The following SGCZ variants were observed in gnomAD, a reference collection of about 807,000 sequenced individuals.
SGCZ encodes the protein sarcoglycan zeta.
A neutral mutation model predicts 41.3 loss-of-function variants in SGCZ; 40 were observed. The ratio of observed to expected loss-of-function variants is 0.97; its 90% confidence interval spans 0.75 to 1.26. The LOEUF (loss-of-function observed/expected upper bound fraction) is 1.26. Ranked by LOEUF, SGCZ falls within the 50% of genes most tolerant of loss-of-function variation. The pLI is 0.00. For missense variants in SGCZ, 552 were observed against 369.8 expected (o/e 1.49, Z -4.04); for synonymous variants, 206 against 137.5 (o/e 1.50, Z -3.49).
At chr8:14,731,347 G>T (rs966650230) in intron 1 of SGCZ, among the ~76,000 whole-genome samples, 1 of 148,394 alleles carries the variant, frequency 6.7e-6, no homozygotes, top group Non-Finnish European at 1.5e-5. Flanking sequence ...AGAACATGTG[G>T]ACACAGGGAG....
intron 2 of SGCZ, among the ~76,000 whole-genome samples, chr8:14,440,292 T>C (rs1800211528): frequency 6.6e-6 from 1 of 152,134 alleles, no homozygotes; most frequent in Non-Finnish European, 1.5e-5. Flanking sequence ...CAAAATATTT[T>C]CTTAAAAATA....
chr8:14,824,576 T>A (rs957978377), intron 1 of SGCZ, among the ~76,000 whole-genome samples: 3 of 152,018 alleles, frequency 2.0e-5, no homozygotes, highest in Non-Finnish European at 2.9e-5. Context: ...CCATTTGAAC[T>A]TTTAAAGCCT....
At chr8:14,197,132 T>C (rs1805290717) in intron 4 of SGCZ, among the ~76,000 whole-genome samples, 1 of 152,178 alleles carries the variant, frequency 6.6e-6, no homozygotes, top group South Asian at 2.1e-4. Context: ...ACAGTTGTTA[T>C]AAAATAAAGT....
At chr8:14,340,154 A>G (rs1433892045) in intron 2 of SGCZ, among the ~76,000 whole-genome samples, 1 of 151,862 alleles carries the variant, frequency 6.6e-6, no homozygotes, top group Non-Finnish European at 1.5e-5. Flanking sequence ...TTTTTCTTTC[A>G]TCTCCAGTCT....
chr8:14,501,018 T>A (rs553164444), intron 2 of SGCZ, among the ~76,000 whole-genome samples: 1 of 152,216 alleles, frequency 6.6e-6, no homozygotes, highest in East Asian at 1.9e-4. Context: ...TTAACAGATC[T>A]TGAGGTCAGA....
At chr8:14,891,314 A>C (rs1805009579) in intron 1 of SGCZ, among the ~76,000 whole-genome samples, 1 of 152,226 alleles carries the variant, frequency 6.6e-6, no homozygotes, top group Non-Finnish European at 1.5e-5. Flanking sequence ...AGGAGGTCAA[A>C]ATAGAAACAT....
intron 1 of SGCZ, among the ~76,000 whole-genome samples, chr8:14,898,353 C>G (rs1374995928): frequency 6.6e-6 from 1 of 152,108 alleles, no homozygotes; most frequent in East Asian, 1.9e-4. Context: ...CAGGGTGCAG[C>G]GATGTGAGAA....
At chr8:14,648,866 GT>G (rs1364957923) in intron 1 of SGCZ, among the ~76,000 whole-genome samples, 1 of 152,070 alleles carries the variant, frequency 6.6e-6, no homozygotes, top group Non-Finnish European at 1.5e-5. Context: ...CAAGTTTGGT[GT>G]TTTACTGCTG....
intron 2 of SGCZ, among the ~76,000 whole-genome samples, chr8:14,469,239 C>T (rs754131106): frequency 6.6e-6 from 1 of 152,078 alleles, no homozygotes; most frequent in Non-Finnish European, 1.5e-5. Context: ...GAAAGACAAC[C>T]TCAGCATCAT....
intron 3 of SGCZ, among the ~76,000 whole-genome samples, chr8:14,257,846 T>C (rs758023399): frequency 5.9e-5 from 9 of 152,214 alleles, no homozygotes; most frequent in Non-Finnish European, 1.2e-4. Context: ...GCAATTTGTG[T>C]TAAGAAGAGC....
At position 14,554,798 on chromosome 8, in the gene SGCZ, C is replaced by A; in HGVS notation, c.168G>T (p.Leu56=). 6.2e-7 allele frequency: 1 copy of A among 1,613,178 alleles called. No individual in the cohort carries two copies. Among genetic ancestry groups the A allele is most frequent in the Non-Finnish European group, 8.5e-7 (1 of 1,179,540 alleles). The change falls in exon 2 of 8, where the codon CTG becomes CTT. Residue 56 remains leucine (L), a synonymous_variant. Coordinates refer to ENST00000382080, the MANE Select transcript of SGCZ (RefSeq NM_139167.4). ...KRCLYFFVLL[L]LVTMIVNLAM... is the part of the protein sequence containing the mutation. ...CTAAGTTAACTATCATGGTAACCAA[C>A]AGCAGAAGGACAAAGAAGTATAAGC... is the stretch of plus-strand genomic sequence containing the variant.
chr8:14,975,498 C>G (rs760421807), intron 1 of SGCZ, among the ~76,000 whole-genome samples: 1 of 152,036 alleles, frequency 6.6e-6, no homozygotes, highest in Non-Finnish European at 1.5e-5. Flanking sequence ...AGATTTTTCC[C>G]TAAATGAGGA....
intron 7 of SGCZ, among the ~76,000 whole-genome samples, chr8:14,100,888 A>G (rs910935757): frequency 6.6e-6 from 1 of 152,014 alleles, no homozygotes; most frequent in South Asian, 2.1e-4. Context: ...TTTCTTCTCA[A>G]TTTGACCTTT....
chr8:14,881,666 G>A (rs371402291), intron 1 of SGCZ, among the ~76,000 whole-genome samples: 22 of 152,238 alleles, frequency 1.4e-4, no homozygotes, highest in African/African-American at 2.2e-4. Flanking sequence ...ATATTAGACA[G>A]ATCATTGAGA....
chr8:15,224,920 T>C (rs1201605677), intron 1 of SGCZ, among the ~76,000 whole-genome samples: 1 of 152,198 alleles, frequency 6.6e-6, no homozygotes, highest in Non-Finnish European at 1.5e-5. Flanking sequence ...TAAACTTATA[T>C]GTATCTTATA....
intron 1 of SGCZ, among the ~76,000 whole-genome samples, chr8:14,680,173 C>T (rs1808397368): frequency 6.6e-6 from 1 of 152,032 alleles, no homozygotes; most frequent in Admixed American, 6.5e-5. Flanking sequence ...CTAAAAAGTA[C>T]AGTGGTTGCA....
chr8:14,228,626 AT>A (rs1049379939), intron 4 of SGCZ, among the ~76,000 whole-genome samples: 1 of 152,026 alleles, frequency 6.6e-6, no homozygotes, highest in African/African-American at 2.4e-5. Context: ...CTTGTATTAT[AT>A]TTTTTATTAA....
chr8:14,951,983 G>C (rs886526921), intron 1 of SGCZ, among the ~76,000 whole-genome samples: 3 of 151,926 alleles, frequency 2.0e-5, no homozygotes, highest in African/African-American at 7.2e-5. Context: ...CATTTGATGA[G>C]AATTTTTTTC....
rs180823773 is a variant in SGCZ, at chr8:15,083,746, T to G, written c.39+153839A>C. On this transcript the variant is annotated intron_variant, in intron 1 of 7. Transcript: ENST00000382080. ...TTGGCGTCTGCTGTTTTTTGGGTTT[T>G]TTGTTGTTGTTGTTTTGTCTTGTTT... 5.9e-5 allele frequency among the ~76,000 whole-genome samples: 9 copies of G among 152,034 alleles called. No homozygotes were observed. In the East Asian group the frequency reaches 1.4e-3, roughly 23 times the overall value.
Sources: allele counts gnomAD v4.1 joint callset (sites outside exome capture counted in the v4.1 genomes callset), GRCh38; gene constraint gnomAD v4.1.1; transcripts MANE v1.5; gene names NCBI Gene and HGNC (gene_info 2026-07-23, HGNC 2026-07-21).